Variants in MCTP1 observed in about 807,000 individuals in gnomAD.
The protein encoded by MCTP1 is multiple C2 and transmembrane domain containing 1, also known as multiple C2 and transmembrane domain-containing protein 1.
In MCTP1, 69 loss-of-function variants were observed where a neutral mutation model predicts 120.6. That is an observed-to-expected ratio of 0.57 (90% CI 0.47 to 0.70). The LOEUF (loss-of-function observed/expected upper bound fraction) is 0.70, where lower values mean the gene tolerates loss of function less well. MCTP1 is among the 30% of genes least tolerant of loss of function. The pLI is 0.00. For missense variants in MCTP1, 1,203 were observed against 1,248.8 expected, an observed-to-expected ratio of 0.96 and a Z score of 0.55; for synonymous variants, 529 against 493.1, an observed-to-expected ratio of 1.07 and a Z score of -0.96.
At chr5:94,809,443 T>A (rs1783001536) in intron 17 of MCTP1, among the ~76,000 whole-genome samples, 1 of 152,074 alleles carries the variant, frequency 6.6e-6, no homozygotes, top group Non-Finnish European at 1.5e-5. Context: ...GTGAATTTAA[T>A]GTTAGTAAAA....
intron 2 of MCTP1, among the ~76,000 whole-genome samples, chr5:94,961,447 C>A (rs1824171858): frequency 6.6e-6 from 1 of 151,920 alleles, no homozygotes; most frequent in Non-Finnish European, 1.5e-5. Flanking sequence ...CAGAATTGTC[C>A]AGTAAGTTGT....
chr5:95,138,478 CAAAGAATCATCTGTTCTTTCCGTTT>C (rs1759630364), intron 1 of MCTP1, among the ~76,000 whole-genome samples: 1 of 152,184 alleles, frequency 6.6e-6, no homozygotes, highest in East Asian at 1.9e-4. Flanking sequence ...GTCGCATACA[CAAAGAATCATCTGTTCTTTCCGTTT>C]AAGTTTCCTT....
chr5:94,906,797 G>A (rs1307609530), intron 10 of MCTP1, among the ~76,000 whole-genome samples: 1 of 152,102 alleles, frequency 6.6e-6, no homozygotes, highest in Non-Finnish European at 1.5e-5. Flanking sequence ...CTTAAAAAAT[G>A]TTACTAGCCA....
intron 1 of MCTP1, among the ~76,000 whole-genome samples, chr5:95,268,724 A>C (rs551412718): frequency 1.5e-4 from 23 of 152,212 alleles, no homozygotes; most frequent in Non-Finnish European, 2.5e-4. Context: ...AACGTTAATC[A>C]CCCTTTAGTG....
intron 2 of MCTP1, among the ~76,000 whole-genome samples, chr5:94,962,795 A>G (rs1246215766): frequency 6.6e-6 from 1 of 152,148 alleles, no homozygotes; most frequent in East Asian, 1.9e-4. Context: ...CGATGCATCA[A>G]AATCTCACAA....
intron 1 of MCTP1, among the ~76,000 whole-genome samples, chr5:95,238,522 T>A (rs1356705670): frequency 6.6e-6 from 1 of 152,140 alleles, no homozygotes; most frequent in African/African-American, 2.4e-5. Flanking sequence ...AGATGCCAAA[T>A]CAATGTGTCA....
intron 12 of MCTP1, among the ~76,000 whole-genome samples, chr5:94,883,238 A>G (rs1800514983): frequency 1.3e-5 from 2 of 152,178 alleles, no homozygotes; most frequent in African/African-American, 4.8e-5. Context: ...CAGGTATATT[A>G]CCGTGATAAG....
intron 1 of MCTP1, among the ~76,000 whole-genome samples, chr5:95,025,448 T>C (rs974712196): frequency 6.6e-6 from 1 of 152,192 alleles, no homozygotes; most frequent in African/African-American, 2.4e-5. Context: ...ATGGTAATAC[T>C]CAAAAGTTTG....
chr5:95,241,600 A>G lies in MCTP1; in HGVS notation c.720+42256T>C, dbSNP rs557320366. On this transcript the variant is annotated intron_variant, in intron 1 of 22. Transcript: ENST00000515393. ...TTATTCTTACATTAGGCTGTTAGCA[A>G]TTTCATAACATTTATACCATATTTC... Among the ~76,000 whole-genome samples the G allele has an allele frequency of 2.0e-5, 3 of 152,298 alleles. No homozygotes were observed. In the East Asian group the frequency reaches 5.8e-4, roughly 29 times the overall value.
intron 1 of MCTP1, among the ~76,000 whole-genome samples, chr5:95,233,249 A>G (rs1048335558): frequency 6.6e-6 from 1 of 152,236 alleles, no homozygotes; most frequent in African/African-American, 2.4e-5. Flanking sequence ...CTGTCTAATC[A>G]CAATGGAACT....
chr5:94,791,128 A>AG lies in MCTP1; in HGVS notation c.2556+7884_2556+7885insC, dbSNP rs1331318766. ...TCTCTACTACAAAAAAAAAAAAAAAAAAAAAGAAAAAAATACAAAAATTAG... is the reference window on the plus strand; with the variant it reads ...TCTCTACTACAAAAAAAAAAAAAAAAGAAAAAGAAAAAAATACAAAAATTAG... On this transcript the variant is annotated intron_variant, in intron 18 of 22. Coordinates refer to ENST00000515393, the MANE Select transcript of MCTP1 (RefSeq NM_024717.7). 5.1e-3 allele frequency among the ~76,000 whole-genome samples: 748 copies of AG among 146,144 alleles called. 7 individuals carry two copies. The highest frequency in any genetic ancestry group is 0.014 in the East Asian group (74 of 5,122).
Position 95,097,332 on chromosome 5 carries a change from C to A in MCTP1, c.721-79848G>T, listed in dbSNP as rs10073927. Among the ~76,000 whole-genome samples the A allele has an allele frequency of 1.2e-3, 186 of 152,268 alleles. 2 individuals carry two copies. The highest frequency in any genetic ancestry group is 3.5e-3 in the Admixed American group (53 of 15,298). ...CTTGGGCTAGGATAGAAGGGCGGGTCACTTTGACAAGGTGTCCTGATTAAT... is the reference window on the plus strand; with the variant it reads ...CTTGGGCTAGGATAGAAGGGCGGGTAACTTTGACAAGGTGTCCTGATTAAT... On this transcript the variant is annotated intron_variant, in intron 1 of 22. Transcript: ENST00000515393.
At chr5:95,226,493 TCTTGGTAAGTG>T (rs1276657571) in intron 1 of MCTP1, among the ~76,000 whole-genome samples, 1 of 152,100 alleles carries the variant, frequency 6.6e-6, no homozygotes, top group Non-Finnish European at 1.5e-5. Flanking sequence ...TCGGAGTAAA[TCTTGGTAAGTG>T]GCCACACATC....
intron 1 of MCTP1, among the ~76,000 whole-genome samples, chr5:95,106,307 T>C (rs1483892263): frequency 1.3e-5 from 2 of 152,210 alleles, no homozygotes; most frequent in Non-Finnish European, 2.9e-5. Context: ...GCAGAGACCC[T>C]TCTGTTCCAG....
At chr5:94,890,234 G>A (rs1802284459) in intron 11 of MCTP1, among the ~76,000 whole-genome samples, 1 of 152,060 alleles carries the variant, frequency 6.6e-6, no homozygotes, top group Non-Finnish European at 1.5e-5. Flanking sequence ...TCTGATTCCT[G>A]GCCTCAAGTG....
chr5:94,790,863 C>T (rs1778742857), intron 18 of MCTP1, among the ~76,000 whole-genome samples: 1 of 152,018 alleles, frequency 6.6e-6, no homozygotes, highest in Admixed American at 6.5e-5. Context: ...CTACCAAAAA[C>T]CTTCAAAATG....
chr5:94,889,612 A>G (rs1186143379), intron 11 of MCTP1, among the ~76,000 whole-genome samples: 1 of 152,096 alleles, frequency 6.6e-6, no homozygotes, highest in Non-Finnish European at 1.5e-5. Flanking sequence ...CAAAATAGTG[A>G]GTAATTTTTC....
intron 1 of MCTP1, chr5:95,038,016 T>C (rs1260897198): frequency 2.5e-5 from 10 of 392,244 alleles, no homozygotes; most frequent in East Asian, 1.6e-4. Flanking sequence ...ATATGGGGCA[T>C]AGCATGTCAA....
At chr5:94,920,075 A>T (rs1261488205) in intron 7 of MCTP1, among the ~76,000 whole-genome samples, 1 of 152,222 alleles carries the variant, frequency 6.6e-6, no homozygotes, top group Non-Finnish European at 1.5e-5. Flanking sequence ...TTTACTTAAG[A>T]TGTTTTAACT....
Sources: gnomAD v4.1 joint callset for allele counts (sites outside exome capture counted in the v4.1 genomes callset) on GRCh38, gnomAD v4.1.1 for gene constraint, MANE v1.5 for transcripts, NCBI Gene and HGNC (gene_info 2026-07-23, HGNC 2026-07-21) for gene names.